BCAS3: variants seen among roughly 807,000 people sequenced by gnomAD.
BCAS3 encodes BCAS4/BCAS3 fusion.
A neutral mutation model predicts 116.1 loss-of-function variants in BCAS3; 53 were observed. That is an observed-to-expected ratio of 0.46 (90% CI 0.37 to 0.57). The LOEUF is 0.57. BCAS3 is among the 20% of genes least tolerant of loss of function. BCAS3 has a pLI of 0.00. For missense variants in BCAS3, 917 were observed against 1,165.4 expected (o/e 0.79, Z 3.10); for synonymous variants, 391 against 408.2 (o/e 0.96, Z 0.51).
Position 60,853,158 on chromosome 17 carries a change from G to A in BCAS3, c.477-15418G>A, listed in dbSNP as rs1008926224. Among the ~76,000 whole-genome samples the A allele has an allele frequency of 2.0e-5, 3 of 152,008 alleles. No individual in the cohort carries two copies. The East Asian group carries it at 5.8e-4, about 29-fold the overall frequency. ...CATGAAAAGACATGGAGGAATGAAT[G>A]CATATTACTCCGTAAAAGAAGTCAA... On this transcript the variant is annotated intron_variant, in intron 7 of 23. Coordinates refer to ENST00000407086, the MANE Select transcript of BCAS3 (RefSeq NM_017679.5).
In BCAS3 at chr17:60,934,002, G is replaced by A. The variant is rs1373461375; in HGVS notation, c.1087+9502G>A. On this transcript the variant is annotated intron_variant, in intron 13 of 23. Transcript: ENST00000407086. ...CTGTTCATTGTGGCACTGTAGTTGTGTAAGAGAGGGATCTTTGTAGGGGTG... is the reference window on the plus strand; with the variant it reads ...CTGTTCATTGTGGCACTGTAGTTGTATAAGAGAGGGATCTTTGTAGGGGTG... Among the ~76,000 whole-genome samples, 4 of 152,116 alleles carry A rather than the reference G, an allele frequency of 2.6e-5. 1 individual carries two copies. In the East Asian group the frequency reaches 7.7e-4, roughly 29 times the overall value.
intron 7 of BCAS3, among the ~76,000 whole-genome samples, chr17:60,859,076 A>G (rs1428437862): frequency 1.3e-5 from 2 of 152,312 alleles, no homozygotes; most frequent in South Asian, 2.1e-4. Context: ...ATGTTATAAC[A>G]TTAATTTTAA....
Position 61,074,996 on chromosome 17 carries a change from G to A in BCAS3, c.2106G>A (p.Gln702=), listed in dbSNP as rs767302345. 1 of 1,612,536 alleles carries A rather than the reference G, an allele frequency of 6.2e-7. No individual in the cohort carries two copies. The highest frequency in any genetic ancestry group is 1.3e-5 in the African/African-American group (1 of 74,874). Reference sequence around the variant, plus strand: ...GTTTAGCTTCTGACCATAGTGGACAGGAAGATGAAGAATGGCTTTCCCAGG... The same window carrying A: ...GTTTAGCTTCTGACCATAGTGGACAAGAAGATGAAGAATGGCTTTCCCAGG... ...YDSLASDHSG[Q]EDEEWLSQVE... is the part of the protein sequence containing the mutation. The change falls in exon 20 of 24, where the codon CAG becomes CAA. Residue 702 remains glutamine (Q), a synonymous_variant. Coordinates refer to ENST00000407086, the MANE Select transcript of BCAS3 (RefSeq NM_017679.5).
chr17:61,232,521 G>A (rs1383891842), intron 22 of BCAS3, among the ~76,000 whole-genome samples: 4 of 152,024 alleles, frequency 2.6e-5, no homozygotes, highest in African/African-American at 7.2e-5. Flanking sequence ...ATGGCAGTTC[G>A]GCAGACCCTT....
intron 12 of BCAS3, among the ~76,000 whole-genome samples, chr17:60,911,896 A>G (rs1186872871): frequency 2.0e-5 from 3 of 152,232 alleles, no homozygotes; most frequent in Admixed American, 2.0e-4. Context: ...AGTAGCATAT[A>G]AGAATACATA....
chr17:61,351,868 T>G (rs1015736577), intron 22 of BCAS3, among the ~76,000 whole-genome samples: 1 of 152,196 alleles, frequency 6.6e-6, no homozygotes, highest in African/African-American at 2.4e-5. Context: ...ACCACTCGTT[T>G]CAGATATTCA....
At chr17:60,871,342 AT>A (rs960642054) in intron 8 of BCAS3, among the ~76,000 whole-genome samples, 1 of 151,428 alleles carries the variant, frequency 6.6e-6, no homozygotes, top group Non-Finnish European at 1.5e-5. Flanking sequence ...TTTTTTTAAC[AT>A]TTTTTTTGTA....
chr17:61,064,734 A>G (rs2070430862), intron 19 of BCAS3, among the ~76,000 whole-genome samples: 2 of 152,210 alleles, frequency 1.3e-5, no homozygotes, highest in African/African-American at 2.4e-5. Context: ...ATAAAAGGAA[A>G]GTGAAACCAG....
chr17:61,360,736 A>G (rs1039940133), intron 22 of BCAS3, among the ~76,000 whole-genome samples: 11 of 152,202 alleles, frequency 7.2e-5, no homozygotes, highest in African/African-American at 1.2e-4. Context: ...GCAAGGACCC[A>G]TTTCCAAATA....
chr17:61,295,081 C>T, intron 22 of BCAS3, among the ~76,000 whole-genome samples: 1 of 152,150 alleles, frequency 6.6e-6, no homozygotes, highest in East Asian at 1.9e-4. Context: ...CTAAACAGTC[C>T]CTGCTAAGTG....
At chr17:61,246,947 G>A (rs1447860311) in intron 22 of BCAS3, among the ~76,000 whole-genome samples, 2 of 152,004 alleles carry the variant, frequency 1.3e-5, no homozygotes, top group Non-Finnish European at 2.9e-5. Context: ...TTTCTGGTGG[G>A]AAAAATGCAT....
At chr17:61,103,053 T>A (rs1452932025) in intron 22 of BCAS3, among the ~76,000 whole-genome samples, 1 of 152,154 alleles carries the variant, frequency 6.6e-6, no homozygotes, top group Non-Finnish European at 1.5e-5. Flanking sequence ...GCCTGTGTTT[T>A]TAGCTATAAT....
intron 22 of BCAS3, among the ~76,000 whole-genome samples, chr17:61,234,687 C>G (rs11655822): frequency 0.6 from 90,712 of 151,228 alleles, 32,604 homozygotes; most frequent in East Asian, 0.97. Context: ...GGACCTATAG[C>G]TAGTCATTCC....
chr17:61,063,945 C>T lies in BCAS3; in HGVS notation c.2030-10975C>T, dbSNP rs1372786316. ...TGCTGATTTCTCTGGGGCATTGTCT[C>T]CATAAACTTTTGGTAAAGCATCAAT... On this transcript the variant is annotated intron_variant, in intron 19 of 23. Transcript: ENST00000407086. This position sits in a 1 kb window ranked among gnomAD's most constrained non-coding sequence, Gnocchi z 5.3. Among the ~76,000 whole-genome samples, 1 of 152,180 alleles carries T rather than the reference C, an allele frequency of 6.6e-6. No individual in the cohort carries two copies. The highest frequency in any genetic ancestry group is 1.9e-4 in the East Asian group (1 of 5,200).
At chr17:61,119,557 A>G (rs1196883188) in intron 22 of BCAS3, among the ~76,000 whole-genome samples, 1 of 152,086 alleles carries the variant, frequency 6.6e-6, no homozygotes, top group African/African-American at 2.4e-5. Context: ...GCTATCTTAA[A>G]CCAAAAACCG....
At chr17:60,880,757 A>C (rs1187438494) in intron 9 of BCAS3, among the ~76,000 whole-genome samples, 3 of 152,236 alleles carry the variant, frequency 2.0e-5, no homozygotes, top group Middle Eastern at 6.8e-3. Flanking sequence ...TGAAATTTGA[A>C]TTTCCCTGAT....
rs1404469770 is a variant in BCAS3, at chr17:61,346,836, CT to C, written c.2426-21490del. On this transcript the variant is annotated intron_variant, in intron 22 of 23. Coordinates refer to ENST00000407086, the MANE Select transcript of BCAS3 (RefSeq NM_017679.5). The surrounding 1 kb of genome is among the most constrained non-coding windows in gnomAD (Gnocchi z 5.4). The stretch of plus-strand genomic sequence containing the variant: ...GTGCTGTGGGGATGTGGTAGAGGGA[CT>C]GGTTCCTCATCCAGGGTGACTCCAG... 6.6e-6 allele frequency among the ~76,000 whole-genome samples: 1 copy of C among 152,218 alleles called. No individual in the cohort carries two copies. The highest frequency in any genetic ancestry group is 1.5e-5 in the Non-Finnish European group (1 of 68,038).
chr17:61,107,231 T>G (rs1797717420), intron 22 of BCAS3, among the ~76,000 whole-genome samples: 1 of 151,754 alleles, frequency 6.6e-6, no homozygotes, highest in Non-Finnish European at 1.5e-5. Context: ...GGATTACAGG[T>G]GTGCACCACC....
At chr17:60,862,521 C>T (rs2054243210) in intron 7 of BCAS3, among the ~76,000 whole-genome samples, 2 of 152,134 alleles carry the variant, frequency 1.3e-5, no homozygotes, top group African/African-American at 4.8e-5. Flanking sequence ...GTTTTAATTT[C>T]TTCCTGATTC....
Sources: allele counts gnomAD v4.1 joint callset (sites outside exome capture counted in the v4.1 genomes callset), GRCh38; gene constraint gnomAD v4.1.1; non-coding constraint Gnocchi (gnomAD v3.1); transcripts MANE v1.5; gene names NCBI Gene and HGNC (gene_info 2026-07-23, HGNC 2026-07-21).